Variants in RET observed in about 807,000 individuals in gnomAD.
RET encodes ret proto-oncogene.
Under a neutral mutation model 118.3 loss-of-function variants are expected in RET, and 19 were observed. The observed-to-expected ratio is 0.16, with a 90% CI of 0.11 to 0.24. The LOEUF is 0.24. RET is among the 10% of genes least tolerant of loss of function. The pLI, the probability that RET is intolerant of heterozygous loss-of-function variation, is 1.00. For missense variants in RET, 1,219 were observed against 1,502.1 expected (o/e 0.81, Z 3.12); for synonymous variants, 597 against 644.1 (o/e 0.93, Z 1.11).
rs754859905 is a variant in RET at position 43,106,554 on chromosome 10, C to T, written c.1046C>T (p.Ala349Val). The T allele has an allele frequency of 3.1e-6, 5 of 1,613,584 alleles. No homozygotes were observed. The highest frequency in any genetic ancestry group is 2.2e-5 in the East Asian group (1 of 44,864). The change falls in exon 5 of 20, where the codon GCG becomes GTG. Residue 349 changes from alanine (A) to valine (V), a missense_variant. Transcript: ENST00000355710. The surrounding 1 kb of genome is among the most constrained non-coding windows in gnomAD (Gnocchi z 5.1). ...CAGGCCAACGGCAGCTTCGTGCGGG[C>T]GACCGTACATGACTATAGTAAGAGG... is the stretch of plus-strand genomic sequence containing the variant. ...SVQANGSFVR[A>V]TVHDYRLVLN...
At chr10:43,115,551 C>A (rs577031605) in intron 11 of RET, among the ~76,000 whole-genome samples, 2 of 152,362 alleles carry the variant, frequency 1.3e-5, no homozygotes, top group South Asian at 4.1e-4. Flanking sequence ...CTGGCTGCAG[C>A]TTAGCCTCAT....
At chr10:43,105,261 T>C in intron 4 of RET, 68 bp downstream of exon 4, 1 of 1,605,780 alleles carries the variant, frequency 6.2e-7, no homozygotes, top group Admixed American at 1.7e-5. Context: ...TCTCGGTCGG[T>C]TTAGTGTCCG....
At chr10:43,104,373 C>CG (rs1837710365) in intron 3 of RET, among the ~76,000 whole-genome samples, 1 of 151,928 alleles carries the variant, frequency 6.6e-6, no homozygotes, top group Admixed American at 6.6e-5. Flanking sequence ...AAAAATTAGC[C>CG]GGGCATGGTG....
chr10:43,106,298 C>T lies in RET; in HGVS notation c.868-78C>T. 7.3e-7 allele frequency: 1 copy of T among 1,373,332 alleles called. No homozygotes were observed. The highest frequency in any genetic ancestry group is 1.0e-6 in the Non-Finnish European group (1 of 982,502). The allele number at this position is 1,373,332 out of a possible 1,614,324, so 85.1% of individuals were successfully genotyped here. A position where few individuals can be genotyped will look rare whatever the true frequency, so the allele number is the denominator to read the frequency against. On this transcript the variant is annotated intron_variant, in intron 4 of 19. Transcript: ENST00000355710. The surrounding 1 kb of genome is among the most constrained non-coding windows in gnomAD (Gnocchi z 5.1). ...CCTATGGGCTGTGTGGGACGTGCAG[C>T]ATTCTAAGGTCTCTGGTTTTGGGGG... is the stretch of plus-strand genomic sequence containing the variant.
rs2132682935 is a variant in RET, at chr10:43,102,538, G to A, written c.534G>A (p.Glu178=). ...PETRPSFRIR[E]NRPPGTFHQF... ...CAAGGCCCTCCTTCCGCATTCGGGA[G>A]AACCGACCCCCAGGCACCTTCCACC... is the stretch of plus-strand genomic sequence containing the variant. Residue 178 remains glutamate, a synonymous_variant, in exon 3 of 20, where the codon GAG becomes GAA. Coordinates refer to ENST00000355710, the MANE Select transcript of RET (RefSeq NM_020975.6). 1.2e-6 allele frequency: 2 copies of A among 1,614,226 alleles called. No individual in the cohort carries two copies. Among genetic ancestry groups the A allele is most frequent in the Non-Finnish European group, 1.7e-6 (2 of 1,180,048 alleles).
chr10:43,118,351 C>G (rs1274814086), intron 12 of RET, 22 bp from the exon 13 acceptor site: 1 of 1,597,866 alleles, frequency 6.3e-7, no homozygotes, highest in East Asian at 2.2e-5. Context: ...TCGTTTGCAA[C>G]CTGCTCTGTG....
intron 13 of RET, 24 bp from the exon 14 acceptor site, chr10:43,119,507 A>T (rs1239788604): frequency 1.9e-6 from 3 of 1,575,452 alleles, no homozygotes; most frequent in East Asian, 4.7e-5. Flanking sequence ...CCGCACGCCC[A>T]GGGCCCCCTC....
intron 3 of RET, among the ~76,000 whole-genome samples, chr10:43,103,420 G>A (rs921797887): frequency 3.3e-5 from 5 of 152,136 alleles, no homozygotes; most frequent in East Asian, 3.9e-4. Context: ...GAGGCATGGC[G>A]AGAAGCAGGC....
chr10:43,111,885 C>A (rs2132789626), intron 7 of RET, among the ~76,000 whole-genome samples: 1 of 152,348 alleles, frequency 6.6e-6, no homozygotes, highest in East Asian at 1.9e-4. Context: ...CTTACCCCAG[C>A]CCAGGTGACC....
chr10:43,090,189 G>A (rs920986461), intron 1 of RET, among the ~76,000 whole-genome samples: 3 of 152,230 alleles, frequency 2.0e-5, no homozygotes, highest in African/African-American at 7.2e-5. Context: ...GCTGCCCTGG[G>A]CAGGGGTGAG....
In RET at chr10:43,116,637, A is replaced by G. The variant is rs377616279; in HGVS notation, c.2190A>G (p.Leu730=). 2 of 1,614,080 alleles carry G rather than the reference A, an allele frequency of 1.2e-6. No homozygotes were observed. The highest frequency in any genetic ancestry group is 1.3e-5 in the African/African-American group (1 of 74,938). ...PRKNLVLGKT[L]GEGEFGKVVK... is the part of the protein sequence containing the mutation. ...AGAACTTGGTTCTTGGAAAAACTCTAGGAGAAGGCGAATTTGGAAAAGTGG... is the reference window on the plus strand; with the variant it reads ...AGAACTTGGTTCTTGGAAAAACTCTGGGAGAAGGCGAATTTGGAAAAGTGG... Residue 730 remains leucine (L), a synonymous_variant, in exon 12 of 20, where the codon CTA becomes CTG. Coordinates refer to ENST00000355710, the MANE Select transcript of RET (RefSeq NM_020975.6).
intron 6 of RET, among the ~76,000 whole-genome samples, chr10:43,109,929 A>G (rs1333069062): frequency 6.6e-6 from 1 of 152,202 alleles, no homozygotes; most frequent in African/African-American, 2.4e-5. Context: ...TGCAGCACGC[A>G]TGTTCTCGCA....
intron 3 of RET, chr10:43,104,602 C>T (rs1837715252): frequency 7.0e-6 from 3 of 430,388 alleles, no homozygotes; most frequent in African/African-American, 4.1e-5. Context: ...CCCTTCCCCA[C>T]ACAAGGCCAC....
At chr10:43,089,748 G>C (rs560408304) in intron 1 of RET, among the ~76,000 whole-genome samples, 1 of 152,230 alleles carries the variant, frequency 6.6e-6, no homozygotes, top group African/African-American at 2.4e-5. Flanking sequence ...GCCGGCCATC[G>C]GGGCCCTCCT....
intron 19 of RET, chr10:43,127,371 T>A: frequency 9.4e-7 from 1 of 1,064,496 alleles, no homozygotes; most frequent in Non-Finnish European, 1.1e-6. Flanking sequence ...TTGTCACTTA[T>A]GAAGTCAGTG....
intron 1 of RET, among the ~76,000 whole-genome samples, chr10:43,087,172 A>T (rs780682742): frequency 6.6e-6 from 1 of 152,190 alleles, no homozygotes; most frequent in Admixed American, 6.5e-5. Flanking sequence ...AAGGAGGGCC[A>T]TGTTCGTGCG....
At position 43,124,686 on chromosome 10, in the gene RET, C is replaced by T. The variant is rs3026781; in HGVS notation, c.2940-197C>T. On this transcript the variant is annotated intron_variant, in intron 17 of 19. Transcript: ENST00000355710. Reference sequence around the variant, plus strand: ...TGAGAGACCTGAGCACAGTGGCCCACGGGCTGGGATCCTGCAACAGGCCAT... The same window carrying T: ...TGAGAGACCTGAGCACAGTGGCCCATGGGCTGGGATCCTGCAACAGGCCAT... Among the ~76,000 whole-genome samples, 26,409 of 152,216 alleles carry T rather than the reference C, an allele frequency of 0.17. 2,539 individuals carry two copies. Among genetic ancestry groups the T allele is most frequent in the Admixed American group, 0.25 (3,802 of 15,294 alleles).
chr10:43,108,213 G>C (rs1837829226), intron 5 of RET, among the ~76,000 whole-genome samples: 1 of 152,030 alleles, frequency 6.6e-6, no homozygotes, highest in Non-Finnish European at 1.5e-5. Context: ...AAATTAGCCA[G>C]GCGTGGTGGC....
At chr10:43,119,776 C>T (rs747414622) in intron 14 of RET, 31 bp downstream of exon 14, 1 of 1,606,484 alleles carries the variant, frequency 6.2e-7, no homozygotes, top group South Asian at 1.1e-5. Flanking sequence ...ACCCAGCCAG[C>T]CCCGGCCAGG....
Sources: allele counts gnomAD v4.1 joint callset (sites outside exome capture counted in the v4.1 genomes callset), GRCh38; gene constraint gnomAD v4.1.1; non-coding constraint Gnocchi (gnomAD v3.1); transcripts MANE v1.5; gene names NCBI Gene and HGNC (gene_info 2026-07-23, HGNC 2026-07-21).